Variants in CSMD1 observed in about 807,000 individuals in gnomAD.
CSMD1 encodes CUB and sushi domain-containing protein 1.
CSMD1 carries 213 observed loss-of-function variants against 417.5 expected under a neutral mutation model. The observed-to-expected ratio is 0.51, with a 90% CI of 0.46 to 0.57. CSMD1 has a LOEUF of 0.57. Among genes scored for constraint, CSMD1 ranks in the 20% least tolerant of loss-of-function variants. The pLI is 0.00. For synonymous variants in CSMD1, 2,862 were observed against 1,736.8 expected (o/e 1.65, Z -16.11); for missense variants, 6,923 against 4,529.7 (o/e 1.53, Z -15.17).
chr8:4,135,320 G>A (rs1330317438), intron 3 of CSMD1, among the ~76,000 whole-genome samples: 6 of 110,018 alleles, frequency 5.5e-5, no homozygotes, highest in East Asian at 2.9e-4. Flanking sequence ...AAGGAGGGAG[G>A]AGCGAAGGAA....
intron 68 of CSMD1, among the ~76,000 whole-genome samples, chr8:2,948,800 T>C (rs990267545): frequency 2.0e-5 from 3 of 152,074 alleles, no homozygotes; most frequent in African/African-American, 7.2e-5. Flanking sequence ...CATACATCCA[T>C]CAAAATTAAA....
chr8:4,886,332 TA>T (rs1416263653), intron 1 of CSMD1, among the ~76,000 whole-genome samples: 5 of 151,928 alleles, frequency 3.3e-5, no homozygotes, highest in South Asian at 2.1e-4. Context: ...GCACTATATA[TA>T]TTTTTTTATT....
At position 3,359,271 on chromosome 8, in the gene CSMD1, C is replaced by G; in HGVS notation, c.3185G>C (p.Gly1062Ala). 6.2e-7 allele frequency: 1 copy of G among 1,613,890 alleles called. No homozygotes were observed. The highest frequency in any genetic ancestry group is 1.1e-5 in the South Asian group (1 of 91,076). ...AFSRRIGFHF[G>A]VGDSLTFSCF... ...GGAAAACGTCAGAGAGTCTCCCACA[C>G]CAAAGTGAAAACCAATTCTTCGGCT... Residue 1062 changes from glycine to alanine, a missense_variant, in exon 21 of 70, where the codon GGT (glycine) becomes GCT (alanine). Gly to Ala is a moderately conservative substitution (Grantham distance 60). Coordinates refer to ENST00000635120, the MANE Select transcript of CSMD1 (RefSeq NM_033225.6).
At chr8:3,376,358 G>T (rs930314098) in intron 18 of CSMD1, among the ~76,000 whole-genome samples, 1 of 151,960 alleles carries the variant, frequency 6.6e-6, no homozygotes, top group Non-Finnish European at 1.5e-5. Context: ...TTTGAATTGG[G>T]AAGGAAAGCA....
chr8:2,966,715 G>C lies in CSMD1; in HGVS notation c.8955C>G (p.Thr2985=). 1 of 1,613,686 alleles carries C rather than the reference G, an allele frequency of 6.2e-7. No individual in the cohort carries two copies. Reference sequence around the variant, plus strand: ...CATCACTACTGACAATCATTCCGTTGGTGGGTGTGCCAGGGTTGCCACAGG... The same window carrying C: ...CATCACTACTGACAATCATTCCGTTCGTGGGTGTGCCAGGGTTGCCACAGG... The part of the protein sequence containing the change: ...AVSCGNPGTP[T]NGMIVSSDGI... The change falls in exon 58 of 70, where the codon ACC becomes ACG. Residue 2985 remains threonine, a synonymous_variant. Coordinates refer to ENST00000635120, the MANE Select transcript of CSMD1 (RefSeq NM_033225.6).
intron 23 of CSMD1, among the ~76,000 whole-genome samples, chr8:3,309,930 A>T (rs11136604): frequency 0.2 from 29,863 of 152,064 alleles, 3,694 homozygotes; most frequent in Admixed American, 0.27. Context: ...TCCTTCCATA[A>T]AGTTTCCTTC....
At chr8:3,470,200 T>C (rs978460421) in intron 11 of CSMD1, among the ~76,000 whole-genome samples, 3 of 152,222 alleles carry the variant, frequency 2.0e-5, no homozygotes, top group Admixed American at 1.3e-4. Context: ...AATGAAATCA[T>C]ACTATATATA....
chr8:4,194,893 A>G (rs1335299700), intron 3 of CSMD1, among the ~76,000 whole-genome samples: 2 of 152,132 alleles, frequency 1.3e-5, no homozygotes, highest in Non-Finnish European at 2.9e-5. Flanking sequence ...CATAATTAGA[A>G]CTGTTAGTTC....
At chr8:3,546,226 G>C (rs1408484230) in intron 10 of CSMD1, among the ~76,000 whole-genome samples, 4 of 152,004 alleles carry the variant, frequency 2.6e-5, no homozygotes, top group Non-Finnish European at 2.9e-5. Flanking sequence ...GTTCTATGCA[G>C]ATAGTGCCCT....
At chr8:3,046,123 GT>G (rs1379376564) in intron 50 of CSMD1, among the ~76,000 whole-genome samples, 2 of 152,198 alleles carry the variant, frequency 1.3e-5, no homozygotes, top group East Asian at 3.9e-4. Flanking sequence ...ACTCTCAGGA[GT>G]TTTTCTGCAG....
intron 2 of CSMD1, among the ~76,000 whole-genome samples, chr8:4,502,230 A>T (rs1226859790): frequency 6.6e-6 from 1 of 152,140 alleles, no homozygotes; most frequent in Admixed American, 6.6e-5. Flanking sequence ...GAATGAGCAG[A>T]ACGTAGAACT....
intron 1 of CSMD1, among the ~76,000 whole-genome samples, chr8:4,749,055 CGTGTGT>C (rs747026933): frequency 9.5e-6 from 1 of 105,002 alleles, no homozygotes; most frequent in Admixed American, 8.3e-5. Flanking sequence ...TGCCTGTGTG[CGTGTGT>C]GTGTGTGTGA....
At chr8:3,796,284 G>GTA (rs1800117301) in intron 5 of CSMD1, among the ~76,000 whole-genome samples, 1 of 57,308 alleles carries the variant, frequency 1.7e-5, no homozygotes, top group African/African-American at 5.0e-5. Flanking sequence ...TATCTATCAT[G>GTA]TATAGATATA....
intron 5 of CSMD1, among the ~76,000 whole-genome samples, chr8:3,899,928 T>C (rs1807617416): frequency 6.6e-6 from 1 of 152,194 alleles, no homozygotes; most frequent in Non-Finnish European, 1.5e-5. Flanking sequence ...GTGTAAAATA[T>C]TTATAACTTA....
At chr8:3,216,058 T>A (rs28552974) in intron 29 of CSMD1, among the ~76,000 whole-genome samples, 46,780 of 148,418 alleles carry the variant, frequency 0.32, 7,632 homozygotes, top group African/African-American at 0.41. Flanking sequence ...TTAATATATA[T>A]TATATATATA....
At chr8:3,430,920 G>A (rs570485831) in intron 12 of CSMD1, among the ~76,000 whole-genome samples, 1 of 152,264 alleles carries the variant, frequency 6.6e-6, no homozygotes, top group African/African-American at 2.4e-5. Context: ...AATATTCTAA[G>A]CATTGAATAG....
intron 5 of CSMD1, among the ~76,000 whole-genome samples, chr8:3,832,083 A>G (rs192283980): frequency 4.1e-4 from 63 of 152,162 alleles, no homozygotes; most frequent in African/African-American, 1.5e-3. Context: ...TGGGTATCTC[A>G]TGTGTGGAAT....
intron 11 of CSMD1, among the ~76,000 whole-genome samples, chr8:3,473,034 T>A (rs543896009): frequency 6.6e-5 from 10 of 152,070 alleles, no homozygotes; most frequent in Non-Finnish European, 1.3e-4. Flanking sequence ...TGGCATTTCA[T>A]CTCCCCTAGA....
chr8:3,950,977 G>A (rs1330873941), intron 5 of CSMD1, among the ~76,000 whole-genome samples: 1 of 152,100 alleles, frequency 6.6e-6, no homozygotes, highest in Non-Finnish European at 1.5e-5. Context: ...TCACATAACA[G>A]TTACAGTAAA....
Sources: gnomAD v4.1 joint callset for allele counts (sites outside exome capture counted in the v4.1 genomes callset) on GRCh38, gnomAD v4.1.1 for gene constraint, MANE v1.5 for transcripts, NCBI Gene and HGNC (gene_info 2026-07-23, HGNC 2026-07-21) for gene names.